Variants in SYNE2 observed in about 807,000 individuals in gnomAD.
The protein encoded by SYNE2 is spectrin repeat containing nuclear envelope protein 2.
Under a neutral mutation model 856.3 loss-of-function variants are expected in SYNE2, and 431 were observed. That is an observed-to-expected ratio of 0.50 (90% confidence interval 0.47 to 0.55). The LOEUF (loss-of-function observed/expected upper bound fraction) is 0.55. SYNE2 is among the 20% of genes least tolerant of loss of function. The probability of loss-of-function intolerance (pLI) is 0.00; values close to 1 mark genes in which losing one functional copy is unlikely to be tolerated. For synonymous variants in SYNE2, 2,923 were observed against 2,872.3 expected (o/e 1.02, Z -0.56); for missense variants, 8,129 against 8,023.2 (o/e 1.01, Z -0.50).
Position 63,972,381 on chromosome 14 carries a change from A to C in SYNE2, c.1129-4182A>C, listed in dbSNP as rs551881100. 7.9e-5 allele frequency among the ~76,000 whole-genome samples: 12 copies of C among 152,320 alleles called. 1 individual carries two copies. Among genetic ancestry groups the C allele is most frequent in the African/African-American group, 2.4e-4 (10 of 41,576 alleles). ...CTATTTTACAAGATTAAGTACTGTA[A>C]ATTTGGTAATAGCTTGAAAATCCAT... is the stretch of plus-strand genomic sequence containing the variant. On this transcript the variant is annotated intron_variant, in intron 11 of 115. Coordinates refer to ENST00000555002, the MANE Select transcript of SYNE2 (RefSeq NM_182914.3).
intron 65 of SYNE2, among the ~76,000 whole-genome samples, chr14:64,112,306 C>T (rs2097816673): frequency 6.6e-6 from 1 of 152,186 alleles, no homozygotes; most frequent in African/African-American, 2.4e-5. Flanking sequence ...CGTTAACAAA[C>T]TCTTATAGAA....
intron 1 of SYNE2, among the ~76,000 whole-genome samples, chr14:63,800,281 T>C (rs1217789518): frequency 2.0e-5 from 3 of 151,964 alleles, no homozygotes; most frequent in African/African-American, 7.3e-5. Context: ...TGGAGTACAG[T>C]GGTGCTCCAG....
intron 6 of SYNE2, among the ~76,000 whole-genome samples, chr14:63,948,746 G>GTGTATATATATA (rs1595822411): frequency 1.8e-5 from 2 of 110,190 alleles, no homozygotes; most frequent in African/African-American, 7.2e-5. Context: ...ATAGATATGT[G>GTGTATATATATA]TGTGTATATA....
At position 63,792,661 on chromosome 14, in the gene SYNE2, G is replaced by A. The variant is rs1595114582; in HGVS notation, c.-305+30675G>A. On this transcript the variant is annotated intron_variant, in intron 1 of 23. Coordinates refer to the SYNE2 transcript ENST00000674003. ...AGAGGGATGTTTTATTTATTTGTTT[G>A]TTTGTTTGTTTGTTTGTTTTTTAGA... 5.3e-5 allele frequency among the ~76,000 whole-genome samples: 8 copies of A among 151,560 alleles called. No homozygotes were observed. The South Asian group carries it at 1.5e-3, about 28-fold the overall frequency.
chr14:64,146,257 G>C, intron 84 of SYNE2, 34 bp downstream of exon 84: 1 of 1,576,232 alleles, frequency 6.3e-7, no homozygotes, highest in Non-Finnish European at 8.6e-7. Flanking sequence ...CCCAACCCGC[G>C]AGCTGGGGTG....
At chr14:63,877,440 G>A (rs2094750481) in intron 1 of SYNE2, among the ~76,000 whole-genome samples, 1 of 152,174 alleles carries the variant, frequency 6.6e-6, no homozygotes, top group Admixed American at 6.5e-5. Flanking sequence ...AGATTTCTGA[G>A]CAGTTCCATT....
chr14:63,899,752 T>G (rs1352647979), intron 1 of SYNE2, among the ~76,000 whole-genome samples: 1 of 152,206 alleles, frequency 6.6e-6, no homozygotes, highest in Non-Finnish European at 1.5e-5. Context: ...TCCTCTTGCC[T>G]TGGCTTCCCA....
chr14:64,088,616 A>G (rs905327038), intron 58 of SYNE2, among the ~76,000 whole-genome samples: 1 of 152,192 alleles, frequency 6.6e-6, no homozygotes, highest in Non-Finnish European at 1.5e-5. Flanking sequence ...CACAAAAAGG[A>G]ATTAAAAACA....
At chr14:63,834,321 C>A (rs34451919) in intron 1 of SYNE2, among the ~76,000 whole-genome samples, 15,809 of 151,950 alleles carry the variant, frequency 0.1, 912 homozygotes, top group African/African-American at 0.15. Flanking sequence ...TGAGATTGTA[C>A]CCCTGCCCTC....
intron 21 of SYNE2, among the ~76,000 whole-genome samples, chr14:63,992,947 C>G (rs1461766946): frequency 6.6e-6 from 1 of 152,212 alleles, no homozygotes; most frequent in Non-Finnish European, 1.5e-5. Flanking sequence ...CGGAGTTATT[C>G]ATCTTCTCTC....
At position 64,223,365 on chromosome 14, in the gene SYNE2, C is replaced by A; in HGVS notation, c.20367C>A (p.Ala6789=). 6.2e-7 allele frequency: 1 copy of A among 1,613,924 alleles called. No individual in the cohort carries two copies. The change falls in exon 113 of 116, where the codon GCC becomes GCA. Residue 6789 remains alanine, a synonymous_variant. Coordinates refer to ENST00000555002, the MANE Select transcript of SYNE2 (RefSeq NM_182914.3). ...AGCAAGTGTCCCAAGATTTAATGGC[C>A]TTGCAGGGAACCCAGGTGAGTCTAC... The part of the protein sequence containing the change: ...LREQVSQDLM[A]LQGTQNPASP...
rs1594738586 is a variant in SYNE2, at chr14:63,993,818, A to T, written c.2647-17A>T. The T allele has an allele frequency of 9.8e-6, 14 of 1,432,726 alleles. No individual in the cohort carries two copies. Among genetic ancestry groups the T allele is most frequent in the Admixed American group, 5.8e-5 (3 of 51,442 alleles). The allele number at this position is 1,432,726 out of a possible 1,614,324, so 88.8% of individuals were successfully genotyped here. Reference sequence around the variant, plus strand: ...TGAGGCTTTTATGATTTTGTTTGCAATTTTTTTTTTTTTTAGGAAGCACTA... The same window carrying T: ...TGAGGCTTTTATGATTTTGTTTGCATTTTTTTTTTTTTTTAGGAAGCACTA... On this transcript the variant is annotated splice_polypyrimidine_tract_variant and intron_variant, in intron 21 of 115. Transcript: ENST00000555002.
chr14:64,196,617 GTTTC>G (rs2098541775), intron 99 of SYNE2: 1 of 152,180 alleles, frequency 6.6e-6, no homozygotes, highest in African/African-American at 2.4e-5. Flanking sequence ...AGATTTTGCT[GTTTC>G]TTTTAAACCT....
intron 2 of SYNE2, among the ~76,000 whole-genome samples, chr14:63,913,630 T>C (rs949614935): frequency 6.6e-6 from 1 of 151,490 alleles, no homozygotes. Flanking sequence ...GTCTGGCTAA[T>C]TTTTGTATTT....
chr14:63,788,778 C>T (rs1056882967), intron 1 of SYNE2, among the ~76,000 whole-genome samples: 8 of 152,218 alleles, frequency 5.3e-5, no homozygotes, highest in Admixed American at 3.9e-4. Context: ...TAAATTAGTA[C>T]AGCCACTATG....
chr14:63,857,581 A>C lies in SYNE2; in HGVS notation c.-52+4438A>C, dbSNP rs149788320. Among the ~76,000 whole-genome samples the C allele has an allele frequency of 2.0e-5, 3 of 152,324 alleles. No homozygotes were observed. In the East Asian group the frequency reaches 5.8e-4, roughly 29 times the overall value. ...CAAAGTGGTTATATAATATAACCAA[A>C]ATAGTCTATGAGGGTTCCAGTTGCC... On this transcript the variant is annotated intron_variant, in intron 1 of 115. Coordinates refer to ENST00000555002, the MANE Select transcript of SYNE2 (RefSeq NM_182914.3).
At position 63,816,799 on chromosome 14, in the gene SYNE2, C is replaced by T. The variant is rs962662559; in HGVS notation, c.-304-35702C>T. ...TGGCATGATCATAGCTCACTGCAGC[C>T]GTGAACTCCTGAGCTCAAGAGATCC... On this transcript the variant is annotated intron_variant, in intron 1 of 23. Coordinates refer to the SYNE2 transcript ENST00000674003. 3.3e-5 allele frequency among the ~76,000 whole-genome samples: 5 copies of T among 152,062 alleles called. No individual in the cohort carries two copies. The East Asian group carries it at 5.8e-4, about 18-fold the overall frequency.
At chr14:63,807,701 G>C (rs1239373740) in intron 1 of SYNE2, among the ~76,000 whole-genome samples, 2 of 146,250 alleles carry the variant, frequency 1.4e-5, no homozygotes, top group Non-Finnish European at 3.0e-5. Flanking sequence ...GTGTCACTCT[G>C]TTTCCCAGGC....
At position 64,223,380 on chromosome 14, in the gene SYNE2, G is replaced by C; in HGVS notation, c.20382G>C (p.Gln6794His). 1.2e-6 allele frequency: 2 copies of C among 1,613,702 alleles called. No homozygotes were observed. Among genetic ancestry groups the C allele is most frequent in the Non-Finnish European group, 1.7e-6 (2 of 1,179,836 alleles). Reference protein sequence around the residue: ...SQDLMALQGTQNPASPLPSFD... With the variant: ...SQDLMALQGTHNPASPLPSFD... ...ATTTAATGGCCTTGCAGGGAACCCA[G>C]GTGAGTCTACTTGTAGCTTTTAACT... is the stretch of plus-strand genomic sequence containing the variant. The change falls in exon 113 of 116, where the codon CAG (glutamine) becomes CAC (histidine). Residue 6794 changes from glutamine (Q) to histidine (H), a missense_variant and splice_region_variant. Gln to His is a conservative substitution (Grantham distance 24, BLOSUM62 0). This residue lies in a region of SYNE2 where 5,410 missense variants were observed against 5,284.8 expected (regional missense o/e 1.02). Transcript: ENST00000555002.
Sources: gnomAD v4.1 joint callset for allele counts (sites outside exome capture counted in the v4.1 genomes callset) on GRCh38, gnomAD v4.1.1 for gene constraint, gnomAD v4.1.1 regional missense constraint, MANE v1.5 for transcripts, NCBI Gene and HGNC (gene_info 2026-07-23, HGNC 2026-07-21) for gene names.